CPNE4: variants seen among roughly 807,000 people sequenced by gnomAD.
CPNE4 encodes the protein copine-4.
CPNE4 carries 25 observed loss-of-function variants against 67.9 expected under a neutral mutation model. The observed-to-expected ratio is 0.37, with a 90% CI of 0.27 to 0.51. CPNE4 has a LOEUF of 0.51. Ranked by LOEUF, CPNE4 falls within the 20% of genes least tolerant of loss-of-function variation. The probability of loss-of-function intolerance (pLI) is 0.93; values close to 1 mark genes in which losing one functional copy is unlikely to be tolerated. For synonymous variants in CPNE4, 242 were observed against 244.9 expected, an observed-to-expected ratio of 0.99 and a Z score of 0.11; for missense variants, 464 against 690.8, an observed-to-expected ratio of 0.67 and a Z score of 3.68.
chr3:131,868,871 C>T (rs1402009199), intron 2 of CPNE4, among the ~76,000 whole-genome samples: 2 of 152,190 alleles, frequency 1.3e-5, no homozygotes, highest in South Asian at 2.1e-4. Flanking sequence ...AGTGAACGAC[C>T]GTCTCTTTAG....
At chr3:131,603,810 C>A (rs1939345263) in intron 7 of CPNE4, among the ~76,000 whole-genome samples, 1 of 152,116 alleles carries the variant, frequency 6.6e-6, no homozygotes, top group Non-Finnish European at 1.5e-5. Context: ...TTTACAAAAA[C>A]AATTGTTCTG....
intron 5 of CPNE4, 67 bp downstream of exon 5, chr3:131,696,475 G>A: frequency 1.4e-6 from 2 of 1,435,600 alleles, no homozygotes; most frequent in Middle Eastern, 1.8e-4. Flanking sequence ...GTTGCAGGGG[G>A]AAATCTGATT....
intron 14 of CPNE4, among the ~76,000 whole-genome samples, chr3:131,547,330 C>G (rs889293320): frequency 6.6e-6 from 1 of 151,978 alleles, no homozygotes; most frequent in Non-Finnish European, 1.5e-5. Flanking sequence ...TGGCACATGC[C>G]TTTGGTCCCA....
At chr3:131,928,837 G>T (rs565054172) in intron 1 of CPNE4, among the ~76,000 whole-genome samples, 6 of 152,246 alleles carry the variant, frequency 3.9e-5, no homozygotes, top group Admixed American at 1.3e-4. Context: ...CACCTTTGTC[G>T]GGACATGAAA....
intron 2 of CPNE4, among the ~76,000 whole-genome samples, chr3:131,827,945 A>C (rs993060805): frequency 6.6e-6 from 1 of 152,020 alleles, no homozygotes; most frequent in Non-Finnish European, 1.5e-5. Flanking sequence ...TGCTCTTCAC[A>C]AAGAGCATAT....
intron 2 of CPNE4, among the ~76,000 whole-genome samples, chr3:131,832,048 G>C (rs894822257): frequency 6.6e-6 from 1 of 152,116 alleles, no homozygotes; most frequent in South Asian, 2.1e-4. Flanking sequence ...TGTTCATTCA[G>C]GTCAACATGA....
rs192369284 is a variant in CPNE4 at position 131,821,916 on chromosome 3, C to T, written c.180+83348G>A. On this transcript the variant is annotated intron_variant, in intron 2 of 15. Coordinates refer to ENST00000429747, the MANE Select transcript of CPNE4 (RefSeq NM_130808.3). ...TAGGAAAACTTGACAAAATCCACCC[C>T]GAATAATTCTTCAAGGGACTCTCTA... Among the ~76,000 whole-genome samples the T allele has an allele frequency of 2.8e-3, 426 of 152,226 alleles. 3 individuals are homozygous for T. Among genetic ancestry groups the T allele is most frequent in the Admixed American group, 2.4e-3 (36 of 15,312 alleles).
intron 7 of CPNE4, among the ~76,000 whole-genome samples, chr3:131,594,554 A>T (rs1190173371): frequency 1.3e-5 from 2 of 152,246 alleles, no homozygotes; most frequent in Non-Finnish European, 2.9e-5. Flanking sequence ...CTCAAAATGG[A>T]TTAAAGACTG....
chr3:131,661,802 G>A (rs923745296), intron 7 of CPNE4, among the ~76,000 whole-genome samples: 4 of 152,100 alleles, frequency 2.6e-5, no homozygotes, highest in East Asian at 1.9e-4. Context: ...AGAGGACGGT[G>A]AAATTGCTTT....
intron 1 of CPNE4, among the ~76,000 whole-genome samples, chr3:131,915,714 T>C (rs974118317): frequency 2.0e-5 from 3 of 152,190 alleles, no homozygotes; most frequent in African/African-American, 7.2e-5. Context: ...CTGAACTTTA[T>C]AATTTGAGAC....
At chr3:131,628,504 T>C (rs2079134989) in intron 7 of CPNE4, among the ~76,000 whole-genome samples, 1 of 152,302 alleles carries the variant, frequency 6.6e-6, no homozygotes, top group Admixed American at 6.5e-5. Context: ...CTGGTAGAAT[T>C]TGGCTCTGAA....
At chr3:131,608,002 AT>A (rs1426691966) in intron 7 of CPNE4, among the ~76,000 whole-genome samples, 1 of 152,186 alleles carries the variant, frequency 6.6e-6, no homozygotes, top group East Asian at 1.9e-4. Context: ...ATTGTCAATA[AT>A]TGTTAAGATT....
In CPNE4 at chr3:131,737,115, C is replaced by CTTTTTTTTTTTTTTTTTTTTTTTTTT. The variant is rs71788145; in HGVS notation, c.181-13516_181-13491dup. Among the ~76,000 whole-genome samples the CTTTTTTTTTTTTTTTTTTTTTTTTTT allele has an allele frequency of 8.9e-4, 44 of 49,400 alleles. 9 individuals carry two copies. Among genetic ancestry groups the CTTTTTTTTTTTTTTTTTTTTTTTTTT allele is most frequent in the Admixed American group, 1.2e-3 (4 of 3,358 alleles). The allele number at this position is 49,400 out of a possible 152,430, so 32.4% of individuals were successfully genotyped here. Reference sequence around the variant, plus strand: ...TGCCTCTTTTTATGAAGTATTGTGTCTTTTTTTTTTTTTTTTTTTTTTTTT... The same window carrying CTTTTTTTTTTTTTTTTTTTTTTTTTT: ...TGCCTCTTTTTATGAAGTATTGTGTCTTTTTTTTTTTTTTTTTTTTTTTTTTTTTTTTTTTTTTTTTTTTTTTTTTT... On this transcript the variant is annotated intron_variant, in intron 2 of 15. Transcript: ENST00000429747.
intron 2 of CPNE4, among the ~76,000 whole-genome samples, chr3:131,872,835 T>C (rs1317140769): frequency 6.6e-6 from 1 of 152,228 alleles, no homozygotes; most frequent in Non-Finnish European, 1.5e-5. Context: ...CCCCAGTTAA[T>C]ATGTCACACA....
chr3:131,555,348 T>C, intron 12 of CPNE4, 149 bp downstream of exon 12: 1 of 614,594 alleles, frequency 1.6e-6, no homozygotes, highest in South Asian at 2.5e-5. Flanking sequence ...GGCGAGTTAA[T>C]CTCACTGATT....
intron 2 of CPNE4, among the ~76,000 whole-genome samples, chr3:131,777,361 G>A (rs994715572): frequency 1.4e-5 from 2 of 146,884 alleles, no homozygotes; most frequent in Non-Finnish European, 3.0e-5. Context: ...TTGAATCAGA[G>A]AAAATAGCAT....
In CPNE4 at chr3:131,848,956, CAAAAAAAAAA is replaced by C. The variant is rs67407668; in HGVS notation, c.180+56298_180+56307del. On this transcript the variant is annotated intron_variant, in intron 2 of 15. Coordinates refer to ENST00000429747, the MANE Select transcript of CPNE4 (RefSeq NM_130808.3). ...ACTGGTGGAATGACAGTAGTGATTA[CAAAAAAAAAA>C]AAAAAAAAAAAAAAAACACAGAGAT... Among the ~76,000 whole-genome samples the C allele has an allele frequency of 6.7e-3, 535 of 79,632 alleles. 6 individuals are homozygous for C. Among genetic ancestry groups the C allele is most frequent in the African/African-American group, 0.017 (252 of 14,506 alleles). 52.2% of individuals were successfully genotyped at this position (79,632 alleles called of 152,430 possible). A position where few individuals can be genotyped will look rare whatever the true frequency, so the allele number is the denominator to read the frequency against.
At chr3:131,962,990 T>C (rs2072228784) in intron 1 of CPNE4, among the ~76,000 whole-genome samples, 1 of 152,200 alleles carries the variant, frequency 6.6e-6, no homozygotes, top group Non-Finnish European at 1.5e-5. Context: ...AGTTCCGGTC[T>C]GCAGCTCCCA....
At chr3:131,764,005 G>A (rs373539138) in intron 2 of CPNE4, among the ~76,000 whole-genome samples, 3 of 152,040 alleles carry the variant, frequency 2.0e-5, no homozygotes, top group Admixed American at 6.6e-5. Flanking sequence ...ACAACCCTAT[G>A]AGGCAATACT....
Sources: allele counts gnomAD v4.1 joint callset (sites outside exome capture counted in the v4.1 genomes callset), GRCh38; gene constraint gnomAD v4.1.1; transcripts MANE v1.5; gene names NCBI Gene and HGNC (gene_info 2026-07-23, HGNC 2026-07-21).